SLCO1C1: variants seen among roughly 807,000 people sequenced by gnomAD.
The protein encoded by SLCO1C1 is OAT-RP-5.
Under a neutral mutation model 76.4 loss-of-function variants are expected in SLCO1C1, and 70 were observed. The observed-to-expected ratio is 0.92, with a 90% CI of 0.76 to 1.12. The LOEUF is 1.12. SLCO1C1 is among the 50% of genes most tolerant of loss of function. The pLI is 0.00. For synonymous variants in SLCO1C1, 306 were observed against 286.1 expected (o/e 1.07, Z -0.70); for missense variants, 912 against 823.8 (o/e 1.11, Z -1.31).
intron 10 of SLCO1C1, among the ~76,000 whole-genome samples, chr12:20,733,910 T>C (rs1471833511): frequency 6.6e-6 from 1 of 152,198 alleles, no homozygotes. Context: ...CCACTTCACA[T>C]GAATTTCCAG....
chr12:20,732,804 A>G, intron 9 of SLCO1C1, 105 bp from the exon 10 acceptor site: 1 of 1,177,530 alleles, frequency 8.5e-7, no homozygotes, highest in Non-Finnish European at 1.2e-6. Context: ...GATAGTGACT[A>G]TTTCTATAAT....
chr12:20,723,224 C>T lies in SLCO1C1; in HGVS notation c.1156C>T (p.Gln386Ter). 6.2e-7 allele frequency: 1 copy of T among 1,613,800 alleles called. No homozygotes were observed. The highest frequency in any genetic ancestry group is 1.1e-5 in the South Asian group (1 of 90,950). The change falls in exon 9 of 15, where the codon CAG becomes TAG. Residue 386 changes from glutamine to a stop codon, truncating the protein, a stop_gained. Transcript: ENST00000266509. LOFTEE classifies it high-confidence loss of function. Reference sequence around the variant, plus strand: ...AAAGTACATTGAGCAGCAGTATGGACAGTCATCCTCCAGGGCCAACTTTGT... The same window carrying T: ...AAAGTACATTGAGCAGCAGTATGGATAGTCATCCTCCAGGGCCAACTTTGT... ...KPKYIEQQYG[Q>*]SSSRANFVIG...
chr12:20,731,563 A>G (rs1209740502), intron 9 of SLCO1C1, among the ~76,000 whole-genome samples: 3 of 152,228 alleles, frequency 2.0e-5, no homozygotes, highest in Non-Finnish European at 4.4e-5. Flanking sequence ...TCTATTGACT[A>G]CAGTACATGC....
At chr12:20,730,345 T>C (rs903352376) in intron 9 of SLCO1C1, among the ~76,000 whole-genome samples, 2 of 152,058 alleles carry the variant, frequency 1.3e-5, no homozygotes, top group African/African-American at 2.4e-5. Context: ...AGGATATATA[T>C]CAAATTCATA....
At chr12:20,722,304 C>G (rs1192413620) in intron 8 of SLCO1C1, among the ~76,000 whole-genome samples, 1 of 152,238 alleles carries the variant, frequency 6.6e-6, no homozygotes, top group Non-Finnish European at 1.5e-5. Context: ...CTACCATTGT[C>G]TCTACCCAGG....
At chr12:20,710,710 CAT>C (rs1947048365) in intron 4 of SLCO1C1, among the ~76,000 whole-genome samples, 1 of 152,120 alleles carries the variant, frequency 6.6e-6, no homozygotes. Context: ...GTACAAAATC[CAT>C]ATGTCATTTT....
At chr12:20,742,594 C>T (rs1167242835) in intron 12 of SLCO1C1, among the ~76,000 whole-genome samples, 1 of 151,784 alleles carries the variant, frequency 6.6e-6, no homozygotes, top group Non-Finnish European at 1.5e-5. Context: ...AGGGCAGTGG[C>T]ACAATCTCGG....
Position 20,705,459 on chromosome 12 carries a change from C to T in SLCO1C1, c.272-490C>T, listed in dbSNP as rs181133631. Among the ~76,000 whole-genome samples, 42 of 151,988 alleles carry T rather than the reference C, an allele frequency of 2.8e-4. No individual in the cohort carries two copies. In the East Asian group the frequency reaches 7.9e-3, roughly 29 times the overall value. On this transcript the variant is annotated intron_variant, in intron 3 of 14. Transcript: ENST00000266509. ...AAGTATCATTTGTGTACATGTGTTT[C>T]ATCATTTTATTTCATTTAAAGTACA...
chr12:20,737,304 G>A (rs1192648390), intron 11 of SLCO1C1, 32 bp downstream of exon 11: 2 of 1,537,278 alleles, frequency 1.3e-6, no homozygotes, highest in Non-Finnish European at 1.7e-6. Context: ...ATATGGCGAT[G>A]GTCCTGTTAC....
intron 1 of SLCO1C1, among the ~76,000 whole-genome samples, chr12:20,698,201 T>C (rs984660170): frequency 7.9e-5 from 12 of 152,042 alleles, no homozygotes; most frequent in African/African-American, 2.4e-4. Flanking sequence ...TATATCTTTG[T>C]TTTTTGTCTT....
At chr12:20,726,650 A>G (rs1397575197) in intron 9 of SLCO1C1, among the ~76,000 whole-genome samples, 8 of 152,144 alleles carry the variant, frequency 5.3e-5, no homozygotes, top group Admixed American at 5.2e-4. Context: ...AAATTTGGAT[A>G]GGCAGCTAGA....
Position 20,743,254 on chromosome 12 carries a change from T to A in SLCO1C1, c.1734-51T>A. 4 of 1,512,704 alleles carry A rather than the reference T, an allele frequency of 2.6e-6. No individual in the cohort carries two copies. The South Asian group carries it at 4.6e-5, about 17-fold the overall frequency. The allele number at this position is 1,512,704 out of a possible 1,614,324, so 93.7% of individuals were successfully genotyped here. ...GGCAGATTATCCTTCAAATTTCTAT[T>A]TGCTTTAATGGATTATATATTTCTT... On this transcript the variant is annotated intron_variant, in intron 12 of 14. Coordinates refer to ENST00000266509, the MANE Select transcript of SLCO1C1 (RefSeq NM_017435.5).
intron 2 of SLCO1C1, chr12:20,700,243 A>G (rs561229270): frequency 6.6e-6 from 1 of 151,894 alleles, no homozygotes; most frequent in Non-Finnish European, 1.5e-5. Context: ...ACCAGTTTTT[A>G]TTTTTTGTTA....
intron 13 of SLCO1C1, among the ~76,000 whole-genome samples, chr12:20,747,429 A>AG (rs1949099059): frequency 8.8e-6 from 1 of 113,080 alleles, no homozygotes; most frequent in Admixed American, 9.9e-5. Flanking sequence ...ACTCTGTCTC[A>AG]AAAAAAAATA....
At chr12:20,706,761 T>C (rs1946798814) in intron 4 of SLCO1C1, among the ~76,000 whole-genome samples, 1 of 152,160 alleles carries the variant, frequency 6.6e-6, no homozygotes, top group Admixed American at 6.5e-5. Context: ...TTTAGGTGTC[T>C]TGTAATTATG....
intron 9 of SLCO1C1, among the ~76,000 whole-genome samples, chr12:20,727,085 AC>A: frequency 6.6e-6 from 1 of 152,284 alleles, no homozygotes; most frequent in East Asian, 1.9e-4. Flanking sequence ...TATACGTACC[AC>A]TTCTTTATTC....
At position 20,723,085 on chromosome 12, in the gene SLCO1C1, T is replaced by G; in HGVS notation, c.1022-5T>G. 1 of 1,602,152 alleles carries G rather than the reference T, an allele frequency of 6.2e-7. No homozygotes were observed. Among genetic ancestry groups the G allele is most frequent in the Non-Finnish European group, 8.5e-7 (1 of 1,175,636 alleles). On this transcript the variant is annotated splice_region_variant and splice_polypyrimidine_tract_variant and intron_variant, in intron 8 of 14. Coordinates refer to ENST00000266509, the MANE Select transcript of SLCO1C1 (RefSeq NM_017435.5). ...TAATTAGTCTATGTTATTTTTGTTT[T>G]ACAGATTTTCTTCCATCACTGAAGA...
In SLCO1C1 at chr12:20,721,674, A is replaced by AC. The variant is rs1264741226; in HGVS notation, c.776-130_776-129insC. On this transcript the variant is annotated intron_variant, in intron 7 of 14. Transcript: ENST00000266509. ...TGTGGTAAGATCCAGATAAAAAAAAAAATAGCATAGATGAATTATTAGGTA... is the reference window on the plus strand; with the variant it reads ...TGTGGTAAGATCCAGATAAAAAAAAACAATAGCATAGATGAATTATTAGGTA... 2.5e-6 allele frequency: 3 copies of AC among 1,219,202 alleles called. No individual in the cohort carries two copies. In the East Asian group the frequency reaches 7.8e-5, roughly 32 times the overall value. 75.5% of individuals were successfully genotyped at this position (1,219,202 alleles called of 1,614,324 possible). A position where few individuals can be genotyped will look rare whatever the true frequency, so the allele number is the denominator to read the frequency against.
At chr12:20,745,842 A>G (rs927971503) in intron 13 of SLCO1C1, among the ~76,000 whole-genome samples, 6 of 152,080 alleles carry the variant, frequency 3.9e-5, no homozygotes, top group Non-Finnish European at 5.9e-5. Flanking sequence ...AAGAAAAAAA[A>G]AAAGAAATAA....
Sources: allele counts gnomAD v4.1 joint callset (sites outside exome capture counted in the v4.1 genomes callset), GRCh38; gene constraint gnomAD v4.1.1; transcripts MANE v1.5; gene names NCBI Gene and HGNC (gene_info 2026-07-23, HGNC 2026-07-21).